The following VAMP1 variants were observed in gnomAD, a reference collection of about 807,000 sequenced individuals.
VAMP1 encodes the protein vesicle associated membrane protein 1.
Under a neutral mutation model 19.1 loss-of-function variants are expected in VAMP1, and 16 were observed. The ratio of observed to expected loss-of-function variants is 0.84; its 90% CI spans 0.57 to 1.27. The LOEUF (loss-of-function observed/expected upper bound fraction) is 1.27, where lower values mean the gene tolerates loss of function less well. Ranked by LOEUF, VAMP1 falls within the 50% of genes most tolerant of loss-of-function variation. The pLI is 0.00. For missense variants in VAMP1, 109 were observed against 145.4 expected (o/e 0.75, Z 1.29); for synonymous variants, 37 against 50.2 (o/e 0.74, Z 1.11).
At chr12:6,465,464 ATAGTGT>A (rs1353275226) in intron 3 of VAMP1, 2 of 111,466 alleles carry the variant, frequency 1.8e-5, no homozygotes, top group Non-Finnish European at 3.3e-5. Context: ...ATGTGTATAT[ATAGTGT>A]GTGTGTGTGT....
intron 1 of VAMP1, 114 bp from the exon 2 acceptor site, chr12:6,466,465 T>C (rs1206045277): frequency 5.6e-6 from 7 of 1,252,688 alleles, no homozygotes; most frequent in Admixed American, 2.8e-5. Context: ...GGAGGAGCGC[T>C]TGAGCCCAGG....
intron 3 of VAMP1, chr12:6,465,191 G>C: frequency 2.0e-6 from 1 of 509,692 alleles, no homozygotes; most frequent in South Asian, 1.7e-5. Flanking sequence ...CTTAGTTCCT[G>C]GTGTCTTGGG....
chr12:6,464,785 ACCTCAGTCAGAGCAGC>A, intron 4 of VAMP1, 89 bp downstream of exon 4: 3 of 1,581,700 alleles, frequency 1.9e-6, no homozygotes, highest in Non-Finnish European at 2.6e-6. Flanking sequence ...CGGTCTCCAT[ACCTCAGTCAGAGCAGC>A]CCCACTCCCC....
chr12:6,467,507 A>T (rs1945658115), intron 1 of VAMP1, among the ~76,000 whole-genome samples: 1 of 152,204 alleles, frequency 6.6e-6, no homozygotes, highest in Admixed American at 6.5e-5. Context: ...AATTTGTGGA[A>T]CTTTGAACTT....
intron 3 of VAMP1, chr12:6,465,469 G>GTATATATACATA (rs1368603641): frequency 1.5e-4 from 14 of 95,844 alleles, no homozygotes; most frequent in African/African-American, 8.7e-4. Flanking sequence ...TATATATAGT[G>GTATATATACATA]TGTGTGTGTG....
In VAMP1 at chr12:6,464,499, A is replaced by G; in HGVS notation, c.341-13T>C. ...GTAAAAAAGTAGACTGGACACAGGA[A>G]TCAGGAAGTCCCAGACGGAAAAGAG... is the stretch of plus-strand genomic sequence containing the variant. On this transcript the variant is annotated splice_polypyrimidine_tract_variant and intron_variant, in intron 4 of 4. Coordinates refer to ENST00000396308, the MANE Select transcript of VAMP1 (RefSeq NM_014231.5). 6.6e-7 allele frequency: 1 copy of G among 1,507,512 alleles called. No individual in the cohort carries two copies. Among genetic ancestry groups the G allele is most frequent in the Non-Finnish European group, 8.9e-7 (1 of 1,127,648 alleles). 93.4% of individuals were successfully genotyped at this position (1,507,512 alleles called of 1,614,324 possible).
rs943565197 is a variant in VAMP1 at position 6,470,632 on chromosome 12, C to G, written c.-101G>C. 6.6e-7 allele frequency: 1 copy of G among 1,514,310 alleles called. No individual in the cohort carries two copies. The highest frequency in any genetic ancestry group is 9.1e-7 in the Non-Finnish European group (1 of 1,100,012). The allele number at this position is 1,514,310 out of a possible 1,614,324, so 93.8% of individuals were successfully genotyped here. A position where few individuals can be genotyped will look rare whatever the true frequency, so the allele number is the denominator to read the frequency against. On this transcript the variant is annotated 5_prime_UTR_variant, in exon 1 of 5. Coordinates refer to ENST00000396308, the MANE Select transcript of VAMP1 (RefSeq NM_014231.5). ...TGAAGTGGACGGAACTGCCAAGCTC[C>G]GCCTCGCGCCGACTACCCCGCGGTC...
chr12:6,470,527 C>T lies in VAMP1; in HGVS notation c.2+3G>A, dbSNP rs982874261. ...CCGAGCCCCCACACCAGAGTCAACT[C>T]ACATTTTTCTGACAGAGAGAGTGAG... On this transcript the variant is annotated splice_donor_region_variant and intron_variant, in intron 1 of 4. Coordinates refer to ENST00000396308, the MANE Select transcript of VAMP1 (RefSeq NM_014231.5). 6.2e-7 allele frequency: 1 copy of T among 1,613,942 alleles called. No homozygotes were observed. The highest frequency in any genetic ancestry group is 1.7e-5 in the Admixed American group (1 of 59,998).
chr12:6,464,653 C>A, intron 4 of VAMP1, 167 bp from the exon 5 acceptor site: 1 of 1,459,102 alleles, frequency 6.9e-7, no homozygotes, highest in Non-Finnish European at 9.0e-7. Flanking sequence ...CATAGCCCCA[C>A]TTCCTCAGAA....
rs1363004389 is a variant in VAMP1, at chr12:6,464,151, A to G, written c.*319T>C. The G allele has an allele frequency of 2.8e-6, 4 of 1,405,980 alleles. No individual in the cohort carries two copies. The Admixed American group carries it at 6.4e-5, about 23-fold the overall frequency. 87.1% of individuals were successfully genotyped at this position (1,405,980 alleles called of 1,614,324 possible). On this transcript the variant is annotated 3_prime_UTR_variant, in exon 5 of 5. Transcript: ENST00000396308. ...GGCAGCTTCATGGGTACTTCGCCTCAGCCACTCCCCTCCCTGCCCCTTCCC... is the reference window on the plus strand; with the variant it reads ...GGCAGCTTCATGGGTACTTCGCCTCGGCCACTCCCCTCCCTGCCCCTTCCC...
intron 3 of VAMP1, 148 bp from the exon 4 acceptor site, chr12:6,465,089 G>C: frequency 1.7e-6 from 2 of 1,157,282 alleles, no homozygotes; most frequent in Non-Finnish European, 2.4e-6. Flanking sequence ...CTCTTAGAGA[G>C]GCCCTACCCT....
Position 6,462,379 on chromosome 12 carries a change from G to A in VAMP1, c.*2091C>T. 1 of 506,744 alleles carries A rather than the reference G, an allele frequency of 2.0e-6. No individual in the cohort carries two copies. The highest frequency in any genetic ancestry group is 3.6e-5 in the Admixed American group (1 of 27,414). The allele number at this position is 506,744 out of a possible 1,614,324, so 31.4% of individuals were successfully genotyped here. A position where few individuals can be genotyped will look rare whatever the true frequency, so the allele number is the denominator to read the frequency against. ...CAGGGTTAGGAAAAAAAGACAAAGAGGTGATGACAGACACACAGTGGAAAC... is the reference window on the plus strand; with the variant it reads ...CAGGGTTAGGAAAAAAAGACAAAGAAGTGATGACAGACACACAGTGGAAAC... On this transcript the variant is annotated 3_prime_UTR_variant, in exon 5 of 5. Transcript: ENST00000396308.
Position 6,464,900 on chromosome 12 carries a change from T to C in VAMP1, c.330A>G (p.Val110=). ...MLGAICAIIV[V]VIVIYFFT Reference sequence around the variant, plus strand: ...TTCAGCGATACTTACTTACAATAACTACCACGATGATGGCACAGATGGCTC... The same window carrying C: ...TTCAGCGATACTTACTTACAATAACCACCACGATGATGGCACAGATGGCTC... The change falls in exon 4 of 5, where the codon GTA becomes GTG. Residue 110 remains valine, a synonymous_variant. Transcript: ENST00000396308. 1 of 1,613,938 alleles carries C rather than the reference T, an allele frequency of 6.2e-7. No homozygotes were observed. Among genetic ancestry groups the C allele is most frequent in the Non-Finnish European group, 8.5e-7 (1 of 1,179,978 alleles).
rs952054507 is a variant in VAMP1 at position 6,462,611 on chromosome 12, C to T, written c.*1859G>A. 22 of 608,698 alleles carry T rather than the reference C, an allele frequency of 3.6e-5. No individual in the cohort carries two copies. In the East Asian group the frequency reaches 4.2e-4, roughly 12 times the overall value. 37.7% of individuals were successfully genotyped at this position (608,698 alleles called of 1,614,324 possible). On this transcript the variant is annotated 3_prime_UTR_variant, in exon 5 of 5. Coordinates refer to ENST00000396308, the MANE Select transcript of VAMP1 (RefSeq NM_014231.5). The stretch of plus-strand genomic sequence containing the variant: ...TACCCCCAAAGAACAAGGCCAACTA[C>T]ACCTGGTGAGCCTCAGAGGGACAGA...
At position 6,462,444 on chromosome 12, in the gene VAMP1, G is replaced by A. The variant is rs1040546641; in HGVS notation, c.*2026C>T. The stretch of plus-strand genomic sequence containing the variant: ...TGGCAAACCGAAGAACGGGATGTGG[G>A]AAGCTCAGCTTCATTTGACTGCAAA... On this transcript the variant is annotated 3_prime_UTR_variant, in exon 5 of 5. Coordinates refer to ENST00000396308, the MANE Select transcript of VAMP1 (RefSeq NM_014231.5). The A allele has an allele frequency of 8.1e-6, 4 of 493,716 alleles. No homozygotes were observed. Among genetic ancestry groups the A allele is most frequent in the African/African-American group, 7.7e-5 (4 of 51,652 alleles). 30.6% of individuals were successfully genotyped at this position (493,716 alleles called of 1,614,324 possible).
intron 2 of VAMP1, 63 bp from the exon 3 acceptor site, chr12:6,466,063 A>G: frequency 1.2e-6 from 2 of 1,612,354 alleles, no homozygotes; most frequent in East Asian, 4.5e-5. Flanking sequence ...AAGGACAACA[A>G]CCAGAGAATC....
intron 1 of VAMP1, 27 bp downstream of exon 1, chr12:6,470,503 C>G: frequency 6.2e-7 from 1 of 1,613,924 alleles, no homozygotes; most frequent in Non-Finnish European, 8.5e-7. Flanking sequence ...AAGGAGGTGC[C>G]GAGCCCCCAC....
rs907161284 is a variant in VAMP1 at position 6,462,888 on chromosome 12, G to C, written c.*1582C>G. 2.5e-6 allele frequency: 4 copies of C among 1,592,464 alleles called. No homozygotes were observed. Among genetic ancestry groups the C allele is most frequent in the Middle Eastern group, 1.7e-4 (1 of 6,030 alleles). On this transcript the variant is annotated 3_prime_UTR_variant, in exon 5 of 5. Coordinates refer to ENST00000396308, the MANE Select transcript of VAMP1 (RefSeq NM_014231.5). ...TGTGGGAAACAAGGGCGAAAGGAAAGGAAGGATGGTTTTGAGCAATGAAAT... is the reference window on the plus strand; with the variant it reads ...TGTGGGAAACAAGGGCGAAAGGAAACGAAGGATGGTTTTGAGCAATGAAAT...
chr12:6,470,590 G>A lies in VAMP1; in HGVS notation c.-59C>T, dbSNP rs115734994. On this transcript the variant is annotated 5_prime_UTR_variant, in exon 1 of 5. Transcript: ENST00000396308. ...TCCGGAGGCTGCGGCGAGACACCCG[G>A]TGAGGGACGCTGCGGCTGAAGTGGA... is the stretch of plus-strand genomic sequence containing the variant. The A allele has an allele frequency of 2.5e-3, 3,977 of 1,610,334 alleles. 85 individuals are homozygous for A. In the African/African-American group the frequency reaches 0.046, roughly 19 times the overall value.
Sources: gnomAD v4.1 joint callset for allele counts (sites outside exome capture counted in the v4.1 genomes callset) on GRCh38, gnomAD v4.1.1 for gene constraint, MANE v1.5 for transcripts, NCBI Gene and HGNC (gene_info 2026-07-23, HGNC 2026-07-21) for gene names.